BNC2: variants seen among roughly 807,000 people sequenced by gnomAD.
BNC2 encodes the protein basonuclin zinc finger protein 2.
Under a neutral mutation model 76.3 loss-of-function variants are expected in BNC2, and 20 were observed. The ratio of observed to expected loss-of-function variants is 0.26; its 90% CI spans 0.18 to 0.38. BNC2 has a LOEUF of 0.38. Ranked by LOEUF, BNC2 falls within the 10% of genes least tolerant of loss-of-function variation. The probability of loss-of-function intolerance (pLI) is 1.00; values close to 1 mark genes in which losing one functional copy is unlikely to be tolerated. For missense variants in BNC2, 1,382 were observed against 1,399.8 expected (o/e 0.99, Z 0.20); for synonymous variants, 582 against 514.8 (o/e 1.13, Z -1.77).
intron 3 of BNC2, among the ~76,000 whole-genome samples, chr9:16,634,770 G>C (rs1219454550): frequency 6.6e-6 from 1 of 152,052 alleles, no homozygotes; most frequent in Non-Finnish European, 1.5e-5. Context: ...CAAAATGCTG[G>C]GATTACAGGC....
At chr9:16,774,430 CCTT>C (rs369129237) in intron 1 of BNC2, among the ~76,000 whole-genome samples, 37 of 152,240 alleles carry the variant, frequency 2.4e-4, no homozygotes, top group African/African-American at 8.2e-4. Flanking sequence ...GTAACCACCT[CCTT>C]TTTTCTGGGC....
At chr9:16,705,857 T>A (rs1001556819) in intron 3 of BNC2, among the ~76,000 whole-genome samples, 1 of 152,156 alleles carries the variant, frequency 6.6e-6, no homozygotes, top group African/African-American at 2.4e-5. Flanking sequence ...CCAGAGAAGT[T>A]GAGAGAAAAA....
rs552307058 is a variant in BNC2 at position 16,522,598 on chromosome 9, T to TGGGAGC, written c.669+29926_669+29931dup. On this transcript the variant is annotated intron_variant, in intron 5 of 6. Coordinates refer to ENST00000380672, the MANE Select transcript of BNC2 (RefSeq NM_017637.6). ...GACTGAGACTTGATAACCTGAACAG[T>TGGGAGC]GGGAGCCAAGAGGCCTGAAGGTCAT... Among the ~76,000 whole-genome samples the TGGGAGC allele has an allele frequency of 2.5e-3, 383 of 152,242 alleles. 5 individuals are homozygous for TGGGAGC. The highest frequency in any genetic ancestry group is 0.021 in the Admixed American group (326 of 15,290).
chr9:16,769,979 A>G (rs1252520267), intron 1 of BNC2, among the ~76,000 whole-genome samples: 2 of 152,140 alleles, frequency 1.3e-5, no homozygotes, highest in Admixed American at 6.5e-5. Context: ...CACAAACCCT[A>G]TGGGGAGGAG....
intron 4 of BNC2, among the ~76,000 whole-genome samples, chr9:16,569,691 T>C (rs933626211): frequency 6.6e-6 from 1 of 152,322 alleles, no homozygotes; most frequent in African/African-American, 2.4e-5. Context: ...TGGCCCACTT[T>C]TGGGGGCATG....
intron 3 of BNC2, among the ~76,000 whole-genome samples, chr9:16,675,262 T>C (rs1285057169): frequency 6.6e-6 from 1 of 152,126 alleles, no homozygotes; most frequent in African/African-American, 2.4e-5. Context: ...TAATTTTTTT[T>C]TTTTTAAGTC....
At chr9:16,518,603 T>C (rs201318782) in intron 5 of BNC2, among the ~76,000 whole-genome samples, 6 of 113,272 alleles carry the variant, frequency 5.3e-5, no homozygotes, top group African/African-American at 2.4e-4. Context: ...TGTTGTTGTT[T>C]GTTTGTTTTT....
At chr9:16,709,076 G>C (rs16934924) in intron 3 of BNC2, among the ~76,000 whole-genome samples, 15,211 of 152,190 alleles carry the variant, frequency 0.1, 1,143 homozygotes, top group East Asian at 0.4. Flanking sequence ...CTGGGAAATG[G>C]AGGTTTAGGG....
At chr9:16,866,254 CATA>C (rs766874727) in intron 1 of BNC2, among the ~76,000 whole-genome samples, 9 of 151,738 alleles carry the variant, frequency 5.9e-5, no homozygotes, top group Non-Finnish European at 2.9e-5. Context: ...TTTTTTGATC[CATA>C]ATAAGTCAGG....
At chr9:16,495,628 A>G (rs1822372370) in intron 5 of BNC2, among the ~76,000 whole-genome samples, 1 of 152,210 alleles carries the variant, frequency 6.6e-6, no homozygotes, top group Non-Finnish European at 1.5e-5. Context: ...CGGCCAAGCC[A>G]TGTGCTCTGG....
At chr9:16,795,362 A>C (rs905141349) in intron 1 of BNC2, among the ~76,000 whole-genome samples, 2 of 147,390 alleles carry the variant, frequency 1.4e-5, no homozygotes, top group African/African-American at 4.9e-5. Context: ...ACAAATGATG[A>C]CTGCTAACTG....
chr9:16,789,145 G>C lies in BNC2; in HGVS notation c.4-50660C>G, dbSNP rs564557964. Among the ~76,000 whole-genome samples the C allele has an allele frequency of 2.4e-4, 37 of 152,270 alleles. 1 individual carries two copies. The highest frequency in any genetic ancestry group is 6.7e-4 in the African/African-American group (28 of 41,550). The stretch of plus-strand genomic sequence containing the variant: ...AGAATTAAAGCACTACATACTGCAT[G>C]AGTCCATTTACATGATATTTTGAGA... On this transcript the variant is annotated intron_variant, in intron 1 of 6. Transcript: ENST00000380672.
At chr9:16,606,146 A>T (rs2133364341) in intron 3 of BNC2, among the ~76,000 whole-genome samples, 1 of 152,312 alleles carries the variant, frequency 6.6e-6, no homozygotes, top group East Asian at 1.9e-4. Flanking sequence ...TAAGTAAGAG[A>T]AGTAATTATA....
At chr9:16,483,356 T>C (rs1822098737) in intron 5 of BNC2, among the ~76,000 whole-genome samples, 1 of 152,236 alleles carries the variant, frequency 6.6e-6, no homozygotes, top group Non-Finnish European at 1.5e-5. Context: ...TCAAATTACA[T>C]GTATCTGCAT....
intron 1 of BNC2, among the ~76,000 whole-genome samples, chr9:16,869,095 C>G (rs1819613397): frequency 1.3e-5 from 2 of 152,142 alleles, no homozygotes; most frequent in Admixed American, 1.3e-4. Context: ...CCGGCTTTTA[C>G]AGTGTTCTTG....
At chr9:16,434,563 G>A (rs999476437) in intron 6 of BNC2, among the ~76,000 whole-genome samples, 1 of 152,214 alleles carries the variant, frequency 6.6e-6, no homozygotes, top group East Asian at 1.9e-4. Flanking sequence ...GGCTGGTGGT[G>A]TATTATGTAC....
At chr9:16,674,427 T>C (rs973346248) in intron 3 of BNC2, among the ~76,000 whole-genome samples, 1 of 151,878 alleles carries the variant, frequency 6.6e-6, no homozygotes, top group South Asian at 2.1e-4. Context: ...TTAAAACCCC[T>C]AAAAAAAATA....
At chr9:16,676,396 A>G (rs954938227) in intron 3 of BNC2, among the ~76,000 whole-genome samples, 2 of 152,242 alleles carry the variant, frequency 1.3e-5, no homozygotes, top group African/African-American at 4.8e-5. Flanking sequence ...GAATTAAAAC[A>G]TTTTGTTTTT....
At chr9:16,459,369 T>C (rs1489898315) in intron 5 of BNC2, among the ~76,000 whole-genome samples, 1 of 152,166 alleles carries the variant, frequency 6.6e-6, no homozygotes, top group Non-Finnish European at 1.5e-5. Flanking sequence ...AGTAATGCTC[T>C]TAGGGTCACA....
Sources: gnomAD v4.1 joint callset for allele counts (sites outside exome capture counted in the v4.1 genomes callset) on GRCh38, gnomAD v4.1.1 for gene constraint, MANE v1.5 for transcripts, NCBI Gene and HGNC (gene_info 2026-07-23, HGNC 2026-07-21) for gene names.